Variants in CLN6 observed in about 807,000 individuals in gnomAD.
CLN6 encodes the protein CLN6 transmembrane ER protein.
In CLN6, 22 loss-of-function variants were observed where a neutral mutation model predicts 33.3. The ratio of observed to expected loss-of-function variants is 0.66; its 90% confidence interval spans 0.47 to 0.94. The LOEUF (loss-of-function observed/expected upper bound fraction) is 0.94, where lower values mean the gene tolerates loss of function less well. Among genes scored for constraint, CLN6 ranks in the 40% least tolerant of loss-of-function variants. The pLI is 0.00. For missense variants in CLN6, 387 were observed against 417.1 expected, an observed-to-expected ratio of 0.93 and a Z score of 0.63; for synonymous variants, 201 against 174.6, an observed-to-expected ratio of 1.15 and a Z score of -1.19.
intron 1 of CLN6, among the ~76,000 whole-genome samples, chr15:68,254,327 G>A (rs1053876338): frequency 6.6e-6 from 1 of 152,182 alleles, no homozygotes; most frequent in South Asian, 2.1e-4. Flanking sequence ...TCGTTCTTAA[G>A]TTGGATGGTG....
chr15:68,238,005 C>A (rs768538652), intron 1 of CLN6, among the ~76,000 whole-genome samples: 2 of 152,070 alleles, frequency 1.3e-5, no homozygotes, highest in Non-Finnish European at 2.9e-5. Flanking sequence ...TGCCTGTAGT[C>A]CCAGGTACTC....
At chr15:68,245,252 C>T (rs918989973) in intron 1 of CLN6, among the ~76,000 whole-genome samples, 14 of 151,224 alleles carry the variant, frequency 9.3e-5, no homozygotes, top group Non-Finnish European at 1.3e-4. Context: ...ATGTTAAAAC[C>T]TATAACAGAT....
intron 1 of CLN6, among the ~76,000 whole-genome samples, chr15:68,235,263 G>A (rs1350235601): frequency 6.6e-6 from 1 of 151,952 alleles, no homozygotes; most frequent in Non-Finnish European, 1.5e-5. Context: ...GGTGGACCTG[G>A]GCAGCCTGCC....
chr15:68,220,999 TTTATTA>T lies in CLN6; in HGVS notation c.84-2355_84-2350del, dbSNP rs150528709. ...TGCCACTATGCCCAGCTAATTTTAT[TTTATTA>T]TTATTATTATTATTATTATTATTTT... On this transcript the variant is annotated intron_variant, in intron 1 of 6. Transcript: ENST00000249806. This position sits in a 1 kb window ranked among gnomAD's most constrained non-coding sequence, Gnocchi z 4.2. 2.1e-4 allele frequency among the ~76,000 whole-genome samples: 31 copies of T among 146,132 alleles called. No individual in the cohort carries two copies. The highest frequency in any genetic ancestry group is 4.4e-4 in the South Asian group (2 of 4,538).
At chr15:68,232,965 C>T (rs1274665808), upstream of CLN6, among the ~76,000 whole-genome samples, 1 of 152,208 alleles carries the variant, frequency 6.6e-6, no homozygotes, top group Non-Finnish European at 1.5e-5. The surrounding 1 kb of genome is among the most constrained non-coding windows in gnomAD (Gnocchi z 4.7). Flanking sequence ...ATTGCATGAA[C>T]CCAGGAGGCA....
intron 1 of CLN6, among the ~76,000 whole-genome samples, chr15:68,245,729 C>G (rs1352224997): frequency 2.6e-5 from 4 of 152,070 alleles, no homozygotes; most frequent in Non-Finnish European, 5.9e-5. Flanking sequence ...AAGAGACAGA[C>G]AGTGGCTGAA....
In CLN6 at chr15:68,218,640, C is replaced by G. The variant is rs369041224; in HGVS notation, c.94G>C (p.Val32Leu). 6 of 1,613,304 alleles carry G rather than the reference C, an allele frequency of 3.7e-6. No homozygotes were observed. In the African/African-American group the frequency reaches 5.3e-5, roughly 14 times the overall value. Residue 32 changes from valine to leucine, a missense_variant, in exon 2 of 7, where the codon GTG becomes CTG. Physicochemically the swap from Val to Leu is conservative, Grantham distance 32 (BLOSUM62 1). Transcript: ENST00000249806. ...GTGCGGGCAGCCTCATCAGCGCTCA[C>G]AGAGCCATGCCTGGGAAGGAACCAG... ...ASFLQARHGS[V>L]SADEAARTAP...
At position 68,209,565 on chromosome 15, in the gene CLN6, G is replaced by C; in HGVS notation, c.665+72C>G. 6.3e-7 allele frequency: 1 copy of C among 1,596,266 alleles called. No individual in the cohort carries two copies. Among genetic ancestry groups the C allele is most frequent in the Non-Finnish European group, 8.5e-7 (1 of 1,172,810 alleles). On this transcript the variant is annotated intron_variant, in intron 6 of 6. Coordinates refer to ENST00000249806, the MANE Select transcript of CLN6 (RefSeq NM_017882.3). This position sits in a 1 kb window ranked among gnomAD's most constrained non-coding sequence, Gnocchi z 4.9. ...CTGGGGCCACACAGCAGGTCCATTGGCAAGTGCAGAATTTTGCTGCCGTGG... is the reference window on the plus strand; with the variant it reads ...CTGGGGCCACACAGCAGGTCCATTGCCAAGTGCAGAATTTTGCTGCCGTGG...
chr15:68,207,936 T>C lies in CLN6; in HGVS notation c.*204A>G. The C allele has an allele frequency of 1.6e-6, 1 of 610,066 alleles. No homozygotes were observed. Among genetic ancestry groups the C allele is most frequent in the Non-Finnish European group, 2.9e-6 (1 of 344,602 alleles). The allele number at this position is 610,066 out of a possible 1,614,324, so 37.8% of individuals were successfully genotyped here. A position where few individuals can be genotyped will look rare whatever the true frequency, so the allele number is the denominator to read the frequency against. The stretch of plus-strand genomic sequence containing the variant: ...AAATCAAACAGAAACTTGACGGAAA[T>C]AGTAGAGTCTGAAAATGATGCACTC... On this transcript the variant is annotated 3_prime_UTR_variant, in exon 7 of 7. Transcript: ENST00000249806.
chr15:68,231,243 C>G (rs1348508439), upstream of CLN6, among the ~76,000 whole-genome samples: 1 of 152,204 alleles, frequency 6.6e-6, no homozygotes, highest in Non-Finnish European at 1.5e-5. Context: ...TAGCAGCCCA[C>G]AGGCCACACC....
chr15:68,254,438 T>G, intron 1 of CLN6: 1 of 277,208 alleles, frequency 3.6e-6, no homozygotes, highest in Non-Finnish European at 7.0e-6. Context: ...AGATGTGCTG[T>G]AAGTATGAAA....
chr15:68,248,964 C>A (rs1189569059), intron 1 of CLN6, among the ~76,000 whole-genome samples: 1 of 152,052 alleles, frequency 6.6e-6, no homozygotes, highest in African/African-American at 2.4e-5. Flanking sequence ...GCAAAACCAA[C>A]AACAACAAAA....
Position 68,220,230 on chromosome 15 carries a change from C to A in CLN6, c.84-1580G>T, listed in dbSNP as rs559572844. 6.6e-6 allele frequency among the ~76,000 whole-genome samples: 1 copy of A among 152,218 alleles called. No individual in the cohort carries two copies. Among genetic ancestry groups the A allele is most frequent in the East Asian group, 1.9e-4 (1 of 5,190 alleles). ...CCCCTCTACTCGGTATCTTCCACCC[C>A]CTCACTGAACACCAACTATGTGCAA... On this transcript the variant is annotated intron_variant, in intron 1 of 6. Coordinates refer to ENST00000249806, the MANE Select transcript of CLN6 (RefSeq NM_017882.3). The surrounding 1 kb of genome is among the most constrained non-coding windows in gnomAD (Gnocchi z 4.2).
chr15:68,214,186 G>C, intron 3 of CLN6, 104 bp downstream of exon 3: 1 of 883,020 alleles, frequency 1.1e-6, no homozygotes, highest in Non-Finnish European at 1.9e-6. Flanking sequence ...CCCAGCAGCA[G>C]GCAGGAGCGT....
upstream of CLN6, among the ~76,000 whole-genome samples, chr15:68,233,776 A>T (rs1344832570): frequency 1.3e-5 from 2 of 152,156 alleles, no homozygotes; most frequent in Non-Finnish European, 1.5e-5. This position sits in a 1 kb window ranked among gnomAD's most constrained non-coding sequence, Gnocchi z 4.3. Flanking sequence ...TGACTAGGGG[A>T]TCTCTAAGTG....
At chr15:68,233,666 A>G (rs576173497), upstream of CLN6, among the ~76,000 whole-genome samples, 2 of 152,326 alleles carry the variant, frequency 1.3e-5, no homozygotes, top group Admixed American at 6.5e-5. This position sits in a 1 kb window ranked among gnomAD's most constrained non-coding sequence, Gnocchi z 4.3. Context: ...GACATGACAC[A>G]CAGAATCCTG....
chr15:68,225,266 G>T (rs947083345), intron 1 of CLN6, among the ~76,000 whole-genome samples: 1 of 152,200 alleles, frequency 6.6e-6, no homozygotes, highest in African/African-American at 2.4e-5. Flanking sequence ...ATTTGGCTCT[G>T]TTGGAACAAT....
rs568037956 is a variant in CLN6, at chr15:68,236,654, A to G, written c.180-18004T>C. On this transcript the variant is annotated intron_variant, in intron 1 of 6. Transcript: ENST00000538696. The surrounding 1 kb of genome is among the most constrained non-coding windows in gnomAD (Gnocchi z 4.5). ...GGGTTGGTATAAATGTTCTGGCATT[A>G]AGTAGTGGTAATGACTTCACAACTT... is the stretch of plus-strand genomic sequence containing the variant. Among the ~76,000 whole-genome samples, 56 of 152,398 alleles carry G rather than the reference A, an allele frequency of 3.7e-4. No homozygotes were observed. The highest frequency in any genetic ancestry group is 1.3e-3 in the African/African-American group (54 of 41,596).
intron 1 of CLN6, among the ~76,000 whole-genome samples, chr15:68,224,907 C>T (rs1468345161): frequency 2.0e-5 from 3 of 152,148 alleles, no homozygotes; most frequent in Non-Finnish European, 4.4e-5. Context: ...TTCTCTCCTT[C>T]CCAGCTTTCC....
Sources: allele counts gnomAD v4.1 joint callset (sites outside exome capture counted in the v4.1 genomes callset), GRCh38; gene constraint gnomAD v4.1.1; non-coding constraint Gnocchi (gnomAD v3.1); transcripts MANE v1.5; gene names NCBI Gene and HGNC (gene_info 2026-07-23, HGNC 2026-07-21).